WDPCP: variants seen among roughly 807,000 people sequenced by gnomAD.
WDPCP encodes the protein WD repeat-containing and planar cell polarity effector protein fritz homolog.
In WDPCP, 71 loss-of-function variants were observed where a neutral mutation model predicts 93.1. That is an observed-to-expected ratio of 0.76 (90% CI 0.63 to 0.93). The LOEUF (loss-of-function observed/expected upper bound fraction) is 0.93. Among genes scored for constraint, WDPCP ranks in the 40% least tolerant of loss-of-function variants. The probability of loss-of-function intolerance (pLI) is 0.00; values close to 1 mark genes in which losing one functional copy is unlikely to be tolerated. For missense variants in WDPCP, 844 were observed against 887.4 expected (o/e 0.95, Z 0.62); for synonymous variants, 315 against 315.0 (o/e 1.00, Z 0.00).
chr2:63,629,022 T>C (rs1709839101), intron 3 of WDPCP, among the ~76,000 whole-genome samples: 1 of 152,218 alleles, frequency 6.6e-6, no homozygotes, highest in Non-Finnish European at 1.5e-5. Context: ...GTAGACATTC[T>C]TTCATCTATT....
In WDPCP at chr2:63,575,465, A is replaced by AC. The variant is rs751954591; in HGVS notation, c.75+12731_75+12732insG. On this transcript the variant is annotated intron_variant, in intron 1 of 17. Transcript: ENST00000272321. ...TGTATACACTGTATATACAGTATATATGCAGTATATACAGTGTATATATAG... is the reference window on the plus strand; with the variant it reads ...TGTATACACTGTATATACAGTATATACTGCAGTATATACAGTGTATATATAG... Among the ~76,000 whole-genome samples, 21 of 13,218 alleles carry AC rather than the reference A, an allele frequency of 1.6e-3. 2 individuals carry two copies. Among genetic ancestry groups the AC allele is most frequent in the Non-Finnish European group, 2.0e-3 (14 of 7,094 alleles). 8.7% of individuals were successfully genotyped at this position (13,218 alleles called of 152,430 possible).
chr2:63,486,875 G>T (rs946141414), intron 3 of WDPCP, among the ~76,000 whole-genome samples: 1 of 151,938 alleles, frequency 6.6e-6, no homozygotes, highest in African/African-American at 2.4e-5. Flanking sequence ...AACTGCAACA[G>T]AGCCCAGAAC....
In WDPCP at chr2:63,485,135, T is replaced by TA. The variant is rs1255062532; in HGVS notation, c.254-149_254-148insT. 7 of 790,792 alleles carry TA rather than the reference T, an allele frequency of 8.9e-6. No individual in the cohort carries two copies. In the East Asian group the frequency reaches 1.1e-4, roughly 12 times the overall value. The allele number at this position is 790,792 out of a possible 1,614,324, so 49.0% of individuals were successfully genotyped here. On this transcript the variant is annotated intron_variant, in intron 4 of 17. Transcript: ENST00000272321. ...TTTCCATCATCAAATGACAGCCTTA[T>TA]GAAAGGCTTTGTCATAGGAACAGGA...
intron 9 of WDPCP, among the ~76,000 whole-genome samples, chr2:63,405,392 C>A (rs1262093656): frequency 6.6e-6 from 1 of 152,002 alleles, no homozygotes; most frequent in African/African-American, 2.4e-5. Flanking sequence ...ACTGTAGGGT[C>A]CACTTATAGG....
chr2:63,216,405 T>C (rs1251390325), intron 14 of WDPCP, among the ~76,000 whole-genome samples: 2 of 152,210 alleles, frequency 1.3e-5, no homozygotes, highest in African/African-American at 4.8e-5. Context: ...ATGTCCATTC[T>C]AGGGACATGG....
chr2:63,419,235 C>T (rs767894692), intron 9 of WDPCP, among the ~76,000 whole-genome samples: 10 of 152,090 alleles, frequency 6.6e-5, no homozygotes, highest in Non-Finnish European at 1.3e-4. Flanking sequence ...CTCCACCTCC[C>T]GGGTTCAAGC....
At chr2:63,208,453 C>T (rs1031268540) in intron 14 of WDPCP, among the ~76,000 whole-genome samples, 6 of 152,058 alleles carry the variant, frequency 3.9e-5, no homozygotes, top group Non-Finnish European at 7.4e-5. Context: ...TTTTCCTTTT[C>T]CCCCATTGTG....
chr2:63,488,536 C>T (rs1026323872), intron 2 of WDPCP, among the ~76,000 whole-genome samples: 16 of 151,896 alleles, frequency 1.1e-4, no homozygotes, highest in African/African-American at 3.6e-4. Context: ...GGATTTATTG[C>T]GAAAAATCAT....
chr2:63,158,412 C>A (rs1207163206), intron 15 of WDPCP, among the ~76,000 whole-genome samples: 1 of 152,140 alleles, frequency 6.6e-6, no homozygotes, highest in Non-Finnish European at 1.5e-5. Context: ...TTGTCAGATG[C>A]AAACACATTT....
At chr2:63,491,449 A>C (rs138424993) in intron 2 of WDPCP, among the ~76,000 whole-genome samples, 221 of 152,312 alleles carry the variant, frequency 1.5e-3, no homozygotes, top group African/African-American at 5.1e-3. Context: ...GGACTCCCTC[A>C]AACGTCTATA....
intron 2 of WDPCP, among the ~76,000 whole-genome samples, chr2:63,784,855 A>C (rs1271249489): frequency 1.3e-5 from 2 of 152,182 alleles, no homozygotes; most frequent in Non-Finnish European, 2.9e-5. Flanking sequence ...CAGGCTTTAA[A>C]ATTGGCAAAC....
At chr2:63,564,759 C>A (rs1394766386) in intron 1 of WDPCP, 1 of 148,212 alleles carries the variant, frequency 6.7e-6, no homozygotes, top group African/African-American at 2.5e-5. Context: ...TGTGATGTTA[C>A]TAAAGCTTAA....
chr2:63,790,304 T>C (rs895431675), intron 2 of WDPCP, among the ~76,000 whole-genome samples: 1 of 152,174 alleles, frequency 6.6e-6, no homozygotes, highest in Admixed American at 6.5e-5. Context: ...CAGTTGATGC[T>C]ATGGATTCTG....
chr2:63,692,525 T>G (rs1360736488), intron 2 of WDPCP, among the ~76,000 whole-genome samples: 1 of 152,188 alleles, frequency 6.6e-6, no homozygotes, highest in African/African-American at 2.4e-5. Context: ...TGACTGGAAT[T>G]AATTGCTGCT....
intron 10 of WDPCP, among the ~76,000 whole-genome samples, chr2:63,391,263 T>G (rs756936899): frequency 6.6e-6 from 1 of 152,034 alleles, no homozygotes; most frequent in African/African-American, 2.4e-5. Flanking sequence ...ACGTAATCCA[T>G]CACATAAACA....
rs1196700439 is a variant in WDPCP at position 63,458,704 on chromosome 2, C to T, written c.385-18833G>A. 2.0e-5 allele frequency among the ~76,000 whole-genome samples: 3 copies of T among 152,050 alleles called. No homozygotes were observed. In the East Asian group the frequency reaches 5.8e-4, roughly 29 times the overall value. ...CAGATTGAATGTAATACCCATGCCA[C>T]TTTTCACAGACATAGAAAAAATAAT... On this transcript the variant is annotated intron_variant, in intron 6 of 17. Coordinates refer to ENST00000272321, the MANE Select transcript of WDPCP (RefSeq NM_015910.7).
chr2:63,723,851 C>T (rs935082142), intron 2 of WDPCP, among the ~76,000 whole-genome samples: 8 of 152,112 alleles, frequency 5.3e-5, no homozygotes, highest in Admixed American at 2.0e-4. Flanking sequence ...CCCATAACTT[C>T]GACATCCAGG....
intron 9 of WDPCP, among the ~76,000 whole-genome samples, chr2:63,414,496 CAT>C (rs1553382293): frequency 3.5e-4 from 53 of 149,732 alleles, no homozygotes; most frequent in African/African-American, 1.1e-3. Context: ...CACACACACA[CAT>C]ATATATACAC....
intron 14 of WDPCP, among the ~76,000 whole-genome samples, chr2:63,256,750 A>G (rs1179784626): frequency 6.6e-6 from 1 of 152,226 alleles, no homozygotes; most frequent in Non-Finnish European, 1.5e-5. Flanking sequence ...TTATACAGCA[A>G]GAAGAGTGGA....
Sources: allele counts gnomAD v4.1 joint callset (sites outside exome capture counted in the v4.1 genomes callset), GRCh38; gene constraint gnomAD v4.1.1; transcripts MANE v1.5; gene names NCBI Gene and HGNC (gene_info 2026-07-23, HGNC 2026-07-21).